Variants in FER1L6 observed in about 807,000 individuals in gnomAD.
FER1L6 encodes the protein fer-1 like family member 6.
FER1L6 carries 177 observed loss-of-function variants against 219.2 expected under a neutral mutation model. The ratio of observed to expected loss-of-function variants is 0.81; its 90% CI spans 0.71 to 0.91. FER1L6 has a LOEUF of 0.91. FER1L6 is among the 40% of genes least tolerant of loss of function. The probability of loss-of-function intolerance (pLI) is 0.00; values close to 1 mark genes in which losing one functional copy is unlikely to be tolerated. For synonymous variants in FER1L6, 768 were observed against 824.3 expected, an observed-to-expected ratio of 0.93 and a Z score of 1.17; for missense variants, 2,153 against 2,259.9, an observed-to-expected ratio of 0.95 and a Z score of 0.96.
In FER1L6 at chr8:123,884,990, A is replaced by T. The variant is rs146425959; in HGVS notation, c.-8+32805A>T. 4.8e-3 allele frequency among the ~76,000 whole-genome samples: 727 copies of T among 152,268 alleles called. 2 individuals carry two copies. The highest frequency in any genetic ancestry group is 0.017 in the Middle Eastern group (5 of 294). ...CCCTAAATCCAACTAGAGTGTCCTT[A>T]AAAAAAGAGAAAAGAACCAACAGAT... On this transcript the variant is annotated intron_variant, in intron 1 of 40. Coordinates refer to ENST00000522917, the MANE Select transcript of FER1L6 (RefSeq NM_001039112.2).
chr8:124,069,119 A>G (rs899336367), intron 28 of FER1L6, among the ~76,000 whole-genome samples: 9 of 151,724 alleles, frequency 5.9e-5, no homozygotes, highest in Non-Finnish European at 1.3e-4. Flanking sequence ...TGTATTTTTA[A>G]TAGAGACGGG....
At chr8:123,908,605 G>GT (rs1189091654) in intron 1 of FER1L6, among the ~76,000 whole-genome samples, 4 of 152,082 alleles carry the variant, frequency 2.6e-5, no homozygotes, top group South Asian at 2.1e-4. Context: ...AATTCAACAG[G>GT]TTTTTTTTGG....
intron 1 of FER1L6, among the ~76,000 whole-genome samples, chr8:123,904,903 C>T (rs576773168): frequency 1.2e-4 from 18 of 152,282 alleles, no homozygotes; most frequent in African/African-American, 3.4e-4. Flanking sequence ...AGTGGTTAAA[C>T]GTTTGGTAGT....
chr8:124,088,226 G>A (rs1821863820), intron 33 of FER1L6, among the ~76,000 whole-genome samples: 2 of 152,080 alleles, frequency 1.3e-5, no homozygotes, highest in Non-Finnish European at 2.9e-5. Context: ...CTATTCTACT[G>A]TGGCTGAACT....
Position 124,045,873 on chromosome 8 carries a change from T to TA in FER1L6, c.2696_2697insA (p.Val900GlyfsTer5). On this transcript the variant is annotated frameshift_variant, in exon 21 of 41. Coordinates refer to ENST00000522917, the MANE Select transcript of FER1L6 (RefSeq NM_001039112.2). LOFTEE classifies it high-confidence loss of function. ...CTGGCAGAGTCCCCGCCCTTAGTGG[T>TA]GGTGGAGCTGTATGACAGCGACGCT... 1.9e-6 allele frequency: 3 copies of TA among 1,613,956 alleles called. No individual in the cohort carries two copies. Among genetic ancestry groups the TA allele is most frequent in the Non-Finnish European group, 2.5e-6 (3 of 1,179,976 alleles).
chr8:123,976,593 A>G lies in FER1L6; in HGVS notation c.870+509A>G, dbSNP rs934873281. On this transcript the variant is annotated intron_variant, in intron 9 of 40. Coordinates refer to ENST00000522917, the MANE Select transcript of FER1L6 (RefSeq NM_001039112.2). Reference sequence around the variant, plus strand: ...ACTCACTCTTCATTGGAGAAAATGGAAAGGAGCTATGCGTGGATTGTGGTT... The same window carrying G: ...ACTCACTCTTCATTGGAGAAAATGGGAAGGAGCTATGCGTGGATTGTGGTT... Among the ~76,000 whole-genome samples the G allele has an allele frequency of 2.0e-5, 3 of 151,932 alleles. No individual in the cohort carries two copies. The East Asian group carries it at 5.8e-4, about 29-fold the overall frequency.
chr8:123,868,484 G>A (rs370148146), intron 1 of FER1L6, among the ~76,000 whole-genome samples: 1 of 152,184 alleles, frequency 6.6e-6, no homozygotes, highest in South Asian at 2.1e-4. Context: ...TTTTATTTAT[G>A]ATAATTATGG....
At chr8:123,963,171 T>A in intron 2 of FER1L6, 107 bp from the exon 3 acceptor site, 1 of 1,447,796 alleles carries the variant, frequency 6.9e-7, no homozygotes, top group Middle Eastern at 2.4e-4. Flanking sequence ...TCTTCTAGTC[T>A]CTTTGTACCA....
intron 39 of FER1L6, among the ~76,000 whole-genome samples, chr8:124,115,995 T>C (rs1823228965): frequency 6.6e-6 from 1 of 152,236 alleles, no homozygotes; most frequent in Admixed American, 6.5e-5. Context: ...GCCAGAGCAA[T>C]GACAGCAATT....
intron 15 of FER1L6, among the ~76,000 whole-genome samples, chr8:124,014,866 G>A (rs1818110188): frequency 6.6e-6 from 1 of 152,172 alleles, no homozygotes; most frequent in Non-Finnish European, 1.5e-5. Context: ...AGGGGTCCAG[G>A]TGTGGCTCAG....
chr8:123,898,148 G>A (rs1235515427), intron 1 of FER1L6, among the ~76,000 whole-genome samples: 2 of 151,998 alleles, frequency 1.3e-5, no homozygotes, highest in African/African-American at 4.8e-5. Context: ...TAAAAAATCA[G>A]TTATTATATA....
intron 39 of FER1L6, among the ~76,000 whole-genome samples, chr8:124,106,698 G>A (rs1362096483): frequency 6.6e-6 from 1 of 152,034 alleles, no homozygotes. Context: ...CCTCAGCCTG[G>A]GTGGGCTTAC....
intron 1 of FER1L6, among the ~76,000 whole-genome samples, chr8:123,908,139 A>C (rs548121193): frequency 3.1e-4 from 47 of 152,342 alleles, no homozygotes; most frequent in African/African-American, 1.1e-3. Context: ...AAAACCCAAA[A>C]ATATGGGGAA....
chr8:124,021,929 G>GT (rs2130633308), intron 17 of FER1L6, among the ~76,000 whole-genome samples: 1 of 152,244 alleles, frequency 6.6e-6, no homozygotes, highest in East Asian at 1.9e-4. Context: ...TGAAGTCAAC[G>GT]TAAGCCCAGG....
intron 1 of FER1L6, among the ~76,000 whole-genome samples, chr8:123,857,439 G>T (rs941644239): frequency 1.3e-5 from 2 of 152,184 alleles, no homozygotes; most frequent in Non-Finnish European, 2.9e-5. Context: ...GAGCCCAGGA[G>T]TTCAAGGTTA....
At chr8:124,092,860 T>C (rs1203662078) in intron 34 of FER1L6, among the ~76,000 whole-genome samples, 4 of 6,516 alleles carry the variant, frequency 6.1e-4, no homozygotes, top group African/African-American at 1.4e-3. Context: ...CCCTTTTTTT[T>C]TTTTTTTTTT....
At position 124,060,262 on chromosome 8, in the gene FER1L6, G is replaced by A. The variant is rs200057743; in HGVS notation, c.2957G>A (p.Arg986Gln). Residue 986 changes from arginine to glutamine, a missense_variant, in exon 23 of 41, where the codon CGG becomes CAG. By Grantham distance (43) the Arg-to-Gln change is conservative. Transcript: ENST00000522917. ...ATCTACCCGGTTCCTGCCAACATTC[G>A]GCCGGTGCTGAGCAAATACCGAGTG... ...TQIYPVPANI[R>Q]PVLSKYRVEV... 44 of 1,614,138 alleles carry A rather than the reference G, an allele frequency of 2.7e-5. 1 individual carries two copies. Among genetic ancestry groups the A allele is most frequent in the African/African-American group, 2.5e-4 (19 of 75,046 alleles).
intron 11 of FER1L6, 133 bp from the exon 12 acceptor site, chr8:123,985,935 G>A (rs916867848): frequency 9.5e-5 from 58 of 610,414 alleles, no homozygotes; most frequent in Admixed American, 2.7e-4. Context: ...GGGGGGAAAC[G>A]CTGTGCCATT....
At position 123,913,128 on chromosome 8, in the gene FER1L6, C is replaced by A. The variant is rs929383391; in HGVS notation, c.-7-42864C>A. On this transcript the variant is annotated intron_variant, in intron 1 of 40. Transcript: ENST00000522917. ...TTGCTTGTTTCTGGGAGGATACTCA[C>A]AGATGCTAACAAAACCCACAGAGAC... Among the ~76,000 whole-genome samples the A allele has an allele frequency of 5.9e-5, 9 of 152,070 alleles. No individual in the cohort carries two copies. The East Asian group carries it at 1.5e-3, about 26-fold the overall frequency.
Sources: allele counts gnomAD v4.1 joint callset (sites outside exome capture counted in the v4.1 genomes callset), GRCh38; gene constraint gnomAD v4.1.1; transcripts MANE v1.5; gene names NCBI Gene and HGNC (gene_info 2026-07-23, HGNC 2026-07-21).